The following PHLPP1 variants were observed in gnomAD, a reference collection of about 807,000 sequenced individuals.
PHLPP1 encodes the protein PH domain leucine-rich repeat-containing protein phosphatase 1.
Under a neutral mutation model 117.2 loss-of-function variants are expected in PHLPP1, and 42 were observed. The observed-to-expected ratio is 0.36, with a 90% CI of 0.28 to 0.46. PHLPP1 has a LOEUF of 0.46. Ranked by LOEUF, PHLPP1 falls within the 20% of genes least tolerant of loss-of-function variation. The pLI is 1.00. For missense variants in PHLPP1, 2,084 were observed against 2,241.9 expected (o/e 0.93, Z 1.42); for synonymous variants, 1,042 against 970.7 (o/e 1.07, Z -1.37).
chr18:62,849,826 A>ATATATATATATATATAT lies in PHLPP1; in HGVS notation c.1900-10609_1900-10608insTATATATATATATATAT, dbSNP rs1371664083. ...AAAAAAAAAAAAAAAAAAAAAAAAA[A>ATATATATATATATATAT]AAAAAAATATATATATCCTTTAAAG... is the stretch of plus-strand genomic sequence containing the variant. On this transcript the variant is annotated intron_variant, in intron 3 of 16. Coordinates refer to ENST00000262719, the MANE Select transcript of PHLPP1 (RefSeq NM_194449.4). 4.4e-3 allele frequency among the ~76,000 whole-genome samples: 147 copies of ATATATATATATATATAT among 33,776 alleles called. 6 individuals carry two copies. Among genetic ancestry groups the ATATATATATATATATAT allele is most frequent in the Non-Finnish European group, 8.2e-3 (125 of 15,284 alleles). The allele number at this position is 33,776 out of a possible 152,430, so 22.2% of individuals were successfully genotyped here. A position where few individuals can be genotyped will look rare whatever the true frequency, so the allele number is the denominator to read the frequency against.
chr18:62,938,229 A>G (rs767271247), intron 10 of PHLPP1, among the ~76,000 whole-genome samples: 41 of 152,336 alleles, frequency 2.7e-4, no homozygotes, highest in Middle Eastern at 3.4e-3. Context: ...TGTAAGGAAG[A>G]AGCTTGAGGA....
intron 1 of PHLPP1, among the ~76,000 whole-genome samples, chr18:62,765,292 T>C (rs1452724618): frequency 6.6e-6 from 1 of 152,242 alleles, no homozygotes; most frequent in Non-Finnish European, 1.5e-5. Flanking sequence ...TTCTGTCTTC[T>C]CATTACTGTC....
chr18:62,958,190 G>C (rs1910673456), intron 12 of PHLPP1, among the ~76,000 whole-genome samples: 1 of 152,200 alleles, frequency 6.6e-6, no homozygotes, highest in South Asian at 2.1e-4. Flanking sequence ...CCAAAGTGCT[G>C]GGATTATAAG....
chr18:62,904,417 C>A (rs1160703950), intron 7 of PHLPP1, among the ~76,000 whole-genome samples: 1 of 152,158 alleles, frequency 6.6e-6, no homozygotes, highest in African/African-American at 2.4e-5. Flanking sequence ...ATAGTGTGTA[C>A]AGAATGCATT....
intron 1 of PHLPP1, among the ~76,000 whole-genome samples, chr18:62,735,243 A>G (rs1911339202): frequency 6.6e-6 from 1 of 151,886 alleles, no homozygotes; most frequent in Non-Finnish European, 1.5e-5. Flanking sequence ...TAATCTGGCT[A>G]ATTTTAATTT....
At chr18:62,967,774 A>G (rs1037913353) in intron 14 of PHLPP1, among the ~76,000 whole-genome samples, 5 of 150,818 alleles carry the variant, frequency 3.3e-5, no homozygotes, top group Non-Finnish European at 7.4e-5. Flanking sequence ...AAAATGTTAA[A>G]TACACTTTGC....
chr18:62,716,550 T>C lies in PHLPP1; in HGVS notation c.867T>C (p.Gly289=). The change falls in exon 1 of 17, where the codon GGT becomes GGC. Residue 289 remains glycine (G), a synonymous_variant. Coordinates refer to ENST00000262719, the MANE Select transcript of PHLPP1 (RefSeq NM_194449.4). The surrounding 1 kb of genome is among the most constrained non-coding windows in gnomAD (Gnocchi z 5.7). The part of the protein sequence containing the change: ...SEVPPARSAP[G]AFGGPPRAPP... ...TACCGCCCGCGAGGAGCGCGCCGGGTGCCTTCGGGGGGCCTCCGCGCGCGC... is the reference window on the plus strand; with the variant it reads ...TACCGCCCGCGAGGAGCGCGCCGGGCGCCTTCGGGGGGCCTCCGCGCGCGC... The C allele has an allele frequency of 1.7e-6, 2 of 1,184,116 alleles. No individual in the cohort carries two copies. The highest frequency in any genetic ancestry group is 2.1e-6 in the Non-Finnish European group (2 of 958,142). The allele number at this position is 1,184,116 out of a possible 1,614,324, so 73.4% of individuals were successfully genotyped here.
At chr18:62,753,248 G>A (rs1171378321) in intron 1 of PHLPP1, among the ~76,000 whole-genome samples, 1 of 152,116 alleles carries the variant, frequency 6.6e-6, no homozygotes, top group African/African-American at 2.4e-5. Flanking sequence ...TTTAATATGG[G>A]AAGCTGATGA....
intron 6 of PHLPP1, among the ~76,000 whole-genome samples, chr18:62,900,369 A>G (rs1327280414): frequency 6.7e-6 from 1 of 149,098 alleles, no homozygotes; most frequent in Non-Finnish European, 1.5e-5. Context: ...TCCTAGTTAC[A>G]TCATGGTGAC....
intron 4 of PHLPP1, among the ~76,000 whole-genome samples, chr18:62,886,396 A>G (rs1363496871): frequency 6.6e-6 from 1 of 152,108 alleles, no homozygotes; most frequent in Non-Finnish European, 1.5e-5. Flanking sequence ...AAGTGATCCA[A>G]CCGAGTAGCT....
At chr18:62,770,191 A>G (rs1912711283) in intron 1 of PHLPP1, among the ~76,000 whole-genome samples, 1 of 151,946 alleles carries the variant, frequency 6.6e-6, no homozygotes, top group Non-Finnish European at 1.5e-5. Context: ...GCTCATTGCA[A>G]CCTCCGCCTC....
At chr18:62,945,063 T>C (rs1231415119) in intron 11 of PHLPP1, 46 bp from the exon 12 acceptor site, 5 of 1,351,398 alleles carry the variant, frequency 3.7e-6, no homozygotes, top group Non-Finnish European at 5.0e-6. Flanking sequence ...TTGATTCTCG[T>C]CCTATATTAT....
In PHLPP1 at chr18:62,716,790, C is replaced by T; in HGVS notation, c.1107C>T (p.Gly369=). The T allele has an allele frequency of 1.3e-6, 2 of 1,526,274 alleles. No homozygotes were observed. Among genetic ancestry groups the T allele is most frequent in the Non-Finnish European group, 1.8e-6 (2 of 1,142,226 alleles). 94.5% of individuals were successfully genotyped at this position (1,526,274 alleles called of 1,614,324 possible). Residue 369 remains glycine, a synonymous_variant, in exon 1 of 17, where the codon GGC becomes GGT. Coordinates refer to ENST00000262719, the MANE Select transcript of PHLPP1 (RefSeq NM_194449.4). This position sits in a 1 kb window ranked among gnomAD's most constrained non-coding sequence, Gnocchi z 5.7. ...VSDRLDPYSS[G]GGSSSSSEEL... is the part of the protein sequence containing the mutation. ...ACCGGTTGGACCCCTACAGCAGCGG[C>T]GGCGGCTCCTCGTCGTCGTCGGAAG...
At chr18:62,718,678 A>G (rs995933938) in intron 1 of PHLPP1, among the ~76,000 whole-genome samples, 13 of 152,254 alleles carry the variant, frequency 8.5e-5, no homozygotes, top group Admixed American at 1.3e-4. Context: ...ATGTAAGATC[A>G]ACAACTGTAT....
intron 1 of PHLPP1, among the ~76,000 whole-genome samples, chr18:62,738,578 G>T (rs973124079): frequency 6.6e-6 from 1 of 152,172 alleles, no homozygotes; most frequent in African/African-American, 2.4e-5. Flanking sequence ...TTTGGGGTGG[G>T]TGGTGGTCCT....
At chr18:62,947,863 T>C (rs1347421374) in intron 12 of PHLPP1, among the ~76,000 whole-genome samples, 1 of 151,602 alleles carries the variant, frequency 6.6e-6, no homozygotes, top group Admixed American at 6.6e-5. Flanking sequence ...CTGTCTCTAC[T>C]AAAAATACAA....
intron 2 of PHLPP1, 89 bp from the exon 3 acceptor site, chr18:62,838,695 A>G (rs189417373): frequency 2.3e-6 from 3 of 1,293,876 alleles, no homozygotes; most frequent in Non-Finnish European, 3.3e-6. Context: ...AAATCCATGC[A>G]GGCTCCTTGA....
intron 13 of PHLPP1, 122 bp from the exon 14 acceptor site, chr18:62,963,246 G>T (rs1216438227): frequency 8.1e-6 from 5 of 616,488 alleles, no homozygotes; most frequent in South Asian, 6.2e-5. Context: ...CACATTAAAC[G>T]CAGTAAGAAA....
chr18:62,912,221 G>A (rs1460693412), intron 8 of PHLPP1, among the ~76,000 whole-genome samples: 3 of 149,022 alleles, frequency 2.0e-5, no homozygotes, highest in East Asian at 3.9e-4. Context: ...GTTAGTGGGT[G>A]CAGCGCACTA....
Sources: gnomAD v4.1 joint callset for allele counts (sites outside exome capture counted in the v4.1 genomes callset) on GRCh38, gnomAD v4.1.1 for gene constraint, Gnocchi (gnomAD v3.1) non-coding constraint, MANE v1.5 for transcripts, NCBI Gene and HGNC (gene_info 2026-07-23, HGNC 2026-07-21) for gene names.